The following NCK2 variants were observed in gnomAD, a reference collection of about 807,000 sequenced individuals.
The protein encoded by NCK2 is NCK adaptor protein 2.
Under a neutral mutation model 33.9 loss-of-function variants are expected in NCK2, and 16 were observed. The ratio of observed to expected loss-of-function variants is 0.47; its 90% CI spans 0.32 to 0.72. The LOEUF (loss-of-function observed/expected upper bound fraction) is 0.72. NCK2 is among the 30% of genes least tolerant of loss of function. The pLI is 0.03. For synonymous variants in NCK2, 273 were observed against 239.9 expected (o/e 1.14, Z -1.27); for missense variants, 418 against 537.3 (o/e 0.78, Z 2.19).
chr2:105,818,171 C>G (rs897507272), intron 2 of NCK2, among the ~76,000 whole-genome samples: 1 of 149,828 alleles, frequency 6.7e-6, no homozygotes, highest in African/African-American at 2.5e-5. Context: ...AGCAAACTAT[C>G]GCAAGGACAA....
chr2:105,853,097 T>C (rs1262475058), intron 2 of NCK2, among the ~76,000 whole-genome samples: 1 of 152,180 alleles, frequency 6.6e-6, no homozygotes, highest in African/African-American at 2.4e-5. Flanking sequence ...CCTAAAGTCA[T>C]CCCTATACAA....
At chr2:105,770,124 TAAAAAA>T (rs76726445) in intron 1 of NCK2, among the ~76,000 whole-genome samples, 66 of 126,756 alleles carry the variant, frequency 5.2e-4, no homozygotes, top group South Asian at 1.7e-3. Flanking sequence ...CACTAATAAG[TAAAAAA>T]AAAAAAAAAA....
chr2:105,803,504 A>G (rs994864734), intron 1 of NCK2, among the ~76,000 whole-genome samples: 1 of 152,222 alleles, frequency 6.6e-6, no homozygotes, highest in Non-Finnish European at 1.5e-5. Flanking sequence ...CAACAAGGTG[A>G]CTGCTATTGT....
At chr2:105,855,600 A>G (rs2104585012) in intron 3 of NCK2, 1 of 251,258 alleles carries the variant, frequency 4.0e-6, no homozygotes, top group African/African-American at 2.2e-5. Flanking sequence ...CTCTAAGTCT[A>G]CCCAGCTCTG....
chr2:105,851,537 G>T (rs557176756), intron 2 of NCK2, among the ~76,000 whole-genome samples: 27 of 152,330 alleles, frequency 1.8e-4, no homozygotes, highest in African/African-American at 6.3e-4. Context: ...GATTACAGGC[G>T]TGAGCCACCG....
At chr2:105,829,247 G>A (rs907114929) in intron 2 of NCK2, among the ~76,000 whole-genome samples, 1 of 152,088 alleles carries the variant, frequency 6.6e-6, no homozygotes, top group Admixed American at 6.5e-5. Context: ...TTAAAAACTA[G>A]AATATTCTCA....
chr2:105,794,445 T>C (rs531634990), intron 1 of NCK2, among the ~76,000 whole-genome samples: 1 of 152,236 alleles, frequency 6.6e-6, no homozygotes, highest in East Asian at 1.9e-4. Context: ...GTGTTTTATT[T>C]ATATACAATA....
chr2:105,891,532 A>ATTTTTT (rs757598660), intron 4 of NCK2, among the ~76,000 whole-genome samples: 2 of 81,350 alleles, frequency 2.5e-5, no homozygotes, highest in African/African-American at 5.6e-5. Flanking sequence ...TAAAAGACCA[A>ATTTTTT]TTTTTTTTTT....
At chr2:105,841,648 C>T (rs887919314) in intron 2 of NCK2, among the ~76,000 whole-genome samples, 1 of 152,178 alleles carries the variant, frequency 6.6e-6, no homozygotes, top group Non-Finnish European at 1.5e-5. Context: ...GGTTGAAAGT[C>T]CCAACCCTCT....
At chr2:105,873,630 G>A (rs1365618235) in intron 3 of NCK2, among the ~76,000 whole-genome samples, 1 of 152,156 alleles carries the variant, frequency 6.6e-6, no homozygotes, top group Non-Finnish European at 1.5e-5. Context: ...GTTGGGGAGA[G>A]GAACAGTGAG....
chr2:105,859,284 G>C (rs893613540), intron 3 of NCK2, among the ~76,000 whole-genome samples: 2 of 152,094 alleles, frequency 1.3e-5, no homozygotes, highest in African/African-American at 4.8e-5. Flanking sequence ...ATAGGCTTAA[G>C]GGCTGACTCA....
At chr2:105,751,252 C>G (rs562868129) in intron 1 of NCK2, among the ~76,000 whole-genome samples, 1 of 152,346 alleles carries the variant, frequency 6.6e-6, no homozygotes, top group South Asian at 2.1e-4. Flanking sequence ...TGAATTCTCC[C>G]TCAGCTCCCA....
chr2:105,803,815 C>T (rs1674934006), intron 1 of NCK2, among the ~76,000 whole-genome samples: 1 of 152,130 alleles, frequency 6.6e-6, no homozygotes, highest in Non-Finnish European at 1.5e-5. Flanking sequence ...TTATAAACTG[C>T]AGATGTTCTA....
intron 2 of NCK2, among the ~76,000 whole-genome samples, chr2:105,844,689 C>T (rs567255018): frequency 2.7e-5 from 4 of 148,724 alleles, no homozygotes; most frequent in South Asian, 2.1e-4. Context: ...GAGCTGAGAT[C>T]GCGCCACTGC....
At chr2:105,772,314 C>A (rs1439142124) in intron 1 of NCK2, among the ~76,000 whole-genome samples, 1 of 152,130 alleles carries the variant, frequency 6.6e-6, no homozygotes, top group Non-Finnish European at 1.5e-5. Context: ...CCTTCTGCCC[C>A]ATGGAATAAA....
chr2:105,803,586 G>A (rs191254682), intron 1 of NCK2, among the ~76,000 whole-genome samples: 80 of 152,296 alleles, frequency 5.3e-4, no homozygotes, highest in Non-Finnish European at 1.0e-3. Flanking sequence ...TGCGGAACTG[G>A]CATTAGCATC....
chr2:105,881,209 T>C (rs1363345285), intron 3 of NCK2, 119 bp from the exon 4 acceptor site: 2 of 1,366,588 alleles, frequency 1.5e-6, no homozygotes, highest in African/African-American at 1.4e-5. Flanking sequence ...GTAAGCACTG[T>C]CCATGTGTCG....
chr2:105,773,209 C>A (rs920498188), intron 1 of NCK2, among the ~76,000 whole-genome samples: 8 of 152,060 alleles, frequency 5.3e-5, no homozygotes, highest in African/African-American at 1.9e-4. Flanking sequence ...CCGTCACTCA[C>A]CTTTTTGCCA....
chr2:105,859,085 A>G (rs1677408237), intron 3 of NCK2, among the ~76,000 whole-genome samples: 2 of 152,182 alleles, frequency 1.3e-5, no homozygotes, highest in Admixed American at 1.3e-4. Flanking sequence ...CTCCACTTAG[A>G]AAATTGTGCA....
Sources: allele counts gnomAD v4.1 joint callset (sites outside exome capture counted in the v4.1 genomes callset), GRCh38; gene constraint gnomAD v4.1.1; transcripts MANE v1.5; gene names NCBI Gene and HGNC (gene_info 2026-07-23, HGNC 2026-07-21).